The following SMARCA5 variants were observed in gnomAD, a reference collection of about 807,000 sequenced individuals.
The protein encoded by SMARCA5 is SWI/SNF-related matrix-associated actin-dependent regulator of chromatin subfamily A member 5.
In SMARCA5, 18 loss-of-function variants were observed where a neutral mutation model predicts 140.4. The ratio of observed to expected loss-of-function variants is 0.13; its 90% CI spans 0.09 to 0.19. The LOEUF is 0.19. SMARCA5 is among the 10% of genes least tolerant of loss of function. The pLI is 1.00. For synonymous variants in SMARCA5, 449 were observed against 419.6 expected, an observed-to-expected ratio of 1.07 and a Z score of -0.86; for missense variants, 606 against 1,276.8, an observed-to-expected ratio of 0.47 and a Z score of 8.01.
Position 143,553,430 on chromosome 4 carries a change from G to GT in SMARCA5, c.*246_*247insT. The GT allele has an allele frequency of 2.8e-6, 1 of 360,456 alleles. No homozygotes were observed. The highest frequency in any genetic ancestry group is 5.0e-6 in the Non-Finnish European group (1 of 198,964). The allele number at this position is 360,456 out of a possible 1,614,324, so 22.3% of individuals were successfully genotyped here. A position where few individuals can be genotyped will look rare whatever the true frequency, so the allele number is the denominator to read the frequency against. The stretch of plus-strand genomic sequence containing the variant: ...TCATTTATTACTAAGTGTTTCATTT[G>GT]ATTTATTTTTCTATTGTAGTTCCAT... On this transcript the variant is annotated 3_prime_UTR_variant, in exon 24 of 24. Transcript: ENST00000283131.
At chr4:143,530,778 T>TG (rs939484431) in intron 9 of SMARCA5, among the ~76,000 whole-genome samples, 17 of 151,976 alleles carry the variant, frequency 1.1e-4, no homozygotes, top group African/African-American at 2.4e-4. Flanking sequence ...CAAAATACAG[T>TG]GGGGGGAAGA....
chr4:143,527,746 G>A (rs1254281548), intron 6 of SMARCA5, 122 bp from the exon 7 acceptor site: 3 of 739,090 alleles, frequency 4.1e-6, no homozygotes, highest in South Asian at 1.9e-5. Context: ...GCATAATATA[G>A]CTAGCTACTC....
intron 17 of SMARCA5, among the ~76,000 whole-genome samples, 176 bp downstream of exon 17, chr4:143,545,023 A>G (rs1578804122): frequency 6.7e-6 from 1 of 148,404 alleles, no homozygotes; most frequent in South Asian, 2.1e-4. Flanking sequence ...GCTCACTGCA[A>G]CCTCCGCCTC....
intron 6 of SMARCA5, among the ~76,000 whole-genome samples, chr4:143,527,043 C>T (rs2149818822): frequency 1.3e-5 from 2 of 152,116 alleles, no homozygotes; most frequent in South Asian, 4.1e-4. Context: ...ATTTAAGGAG[C>T]CACATTTTTA....
At position 143,514,038 on chromosome 4, in the gene SMARCA5, A is replaced by C; in HGVS notation, c.114A>C (p.Glu38Asp). Residue 38 changes from glutamate (E) to aspartate (D), a missense_variant, in exon 1 of 24, where the codon GAA becomes GAC. This residue lies in a region of SMARCA5 where 164 missense variants were observed against 128.4 expected (regional missense o/e 1.28). Coordinates refer to ENST00000283131, the MANE Select transcript of SMARCA5 (RefSeq NM_003601.4). Reference protein sequence around the residue: ...GSNSSNKGGPEGVAAQAVASA... With the variant: ...GSNSSNKGGPDGVAAQAVASA... ...ACAGCAGCAACAAAGGCGGCCCCGA[A>C]GGCGTCGCGGCGCAGGCGGTTGCGT... 1 of 1,557,202 alleles carries C rather than the reference A, an allele frequency of 6.4e-7. No individual in the cohort carries two copies. The highest frequency in any genetic ancestry group is 8.6e-7 in the Non-Finnish European group (1 of 1,159,670).
rs1560824313 is a variant in SMARCA5, at chr4:143,553,895, A to AT, written c.*716dup. 1.3e-5 allele frequency: 2 copies of AT among 151,280 alleles called. No individual in the cohort carries two copies. Among genetic ancestry groups the AT allele is most frequent in the Non-Finnish European group, 2.9e-5 (2 of 67,802 alleles). The allele number at this position is 151,280 out of a possible 1,614,324, so 9.4% of individuals were successfully genotyped here. On this transcript the variant is annotated 3_prime_UTR_variant, in exon 24 of 24. Transcript: ENST00000283131. ...TTGTAAAAGGAATATTATTATTATT[A>AT]TTTTTAATTATTTGGTAAATATTTT...
chr4:143,538,510 T>C, intron 11 of SMARCA5, 80 bp from the exon 12 acceptor site: 1 of 1,112,670 alleles, frequency 9.0e-7, no homozygotes, highest in Non-Finnish European at 1.3e-6. Context: ...TAAGGATAAT[T>C]GATTAGTCTT....
intron 22 of SMARCA5, among the ~76,000 whole-genome samples, chr4:143,549,202 G>A (rs994563887): frequency 6.6e-6 from 1 of 151,952 alleles, no homozygotes; most frequent in Non-Finnish European, 1.5e-5. Context: ...ATGTTAAGAT[G>A]CACAAAAAAT....
At chr4:143,535,614 CT>C (rs1737286671) in intron 10 of SMARCA5, among the ~76,000 whole-genome samples, 1 of 152,092 alleles carries the variant, frequency 6.6e-6, no homozygotes, top group Non-Finnish European at 1.5e-5. Flanking sequence ...TTAGGCTTAC[CT>C]TGGATGGCTC....
At chr4:143,543,374 G>A in intron 14 of SMARCA5, 135 bp from the exon 15 acceptor site, 1 of 735,962 alleles carries the variant, frequency 1.4e-6, no homozygotes, top group South Asian at 2.2e-5. Context: ...ATTATTAGAT[G>A]TGAATAAACA....
chr4:143,517,491 A>G (rs1277478821), intron 2 of SMARCA5, 62 bp downstream of exon 2: 1 of 960,812 alleles, frequency 1.0e-6, no homozygotes, highest in African/African-American at 1.7e-5. Context: ...GATTAAATGT[A>G]CTAAACATCT....
rs566368214 is a variant in SMARCA5 at position 143,533,745 on chromosome 4, G to A, written c.1159-1110G>A. On this transcript the variant is annotated intron_variant, in intron 9 of 23. Coordinates refer to ENST00000283131, the MANE Select transcript of SMARCA5 (RefSeq NM_003601.4). ...GATGGTCTCGATTTCCTGACCTTGT[G>A]ATCTGCCTGCCTCGGCCTCCCGACC... 3.3e-5 allele frequency among the ~76,000 whole-genome samples: 5 copies of A among 152,206 alleles called. No homozygotes were observed. The South Asian group carries it at 1.0e-3, about 32-fold the overall frequency.
At chr4:143,532,644 A>G (rs963041719) in intron 9 of SMARCA5, among the ~76,000 whole-genome samples, 1 of 152,140 alleles carries the variant, frequency 6.6e-6, no homozygotes, top group Non-Finnish European at 1.5e-5. Context: ...TTGATGTATT[A>G]GTTATCTAAT....
chr4:143,526,106 G>A (rs1438678810), intron 5 of SMARCA5, among the ~76,000 whole-genome samples, 175 bp from the exon 6 acceptor site: 2 of 152,174 alleles, frequency 1.3e-5, no homozygotes, highest in African/African-American at 2.4e-5. Context: ...TTAGAGACTT[G>A]TGAAAATTAT....
rs1282670532 is a variant in SMARCA5, at chr4:143,556,141, T to C, written c.*2957T>C. On this transcript the variant is annotated 3_prime_UTR_variant, in exon 24 of 24. Transcript: ENST00000283131. ...ATTAGGGATGCTGAACTGATAAGTA[T>C]AATGCAAGTATTCTAAAGTCTGGAA... is the stretch of plus-strand genomic sequence containing the variant. 1.3e-5 allele frequency: 2 copies of C among 152,216 alleles called. No individual in the cohort carries two copies. The highest frequency in any genetic ancestry group is 4.8e-5 in the African/African-American group (2 of 41,464). 9.4% of individuals were successfully genotyped at this position (152,216 alleles called of 1,614,324 possible). A position where few individuals can be genotyped will look rare whatever the true frequency, so the allele number is the denominator to read the frequency against.
chr4:143,555,381 GGCTGCCACCAAA>G lies in SMARCA5; in HGVS notation c.*2200_*2211del. 1 of 690,176 alleles carries G rather than the reference GGCTGCCACCAAA, an allele frequency of 1.4e-6. No homozygotes were observed. Among genetic ancestry groups the G allele is most frequent in the Admixed American group, 1.8e-5 (1 of 55,002 alleles). The allele number at this position is 690,176 out of a possible 1,614,324, so 42.8% of individuals were successfully genotyped here. On this transcript the variant is annotated 3_prime_UTR_variant, in exon 24 of 24. Transcript: ENST00000283131. ...CCACCATATCCATCACCACCACCAT[GGCTGCCACCAAA>G]GCCACCACGATCACAGAACTTGATG...
At chr4:143,535,907 C>T (rs1230390267) in intron 10 of SMARCA5, among the ~76,000 whole-genome samples, 1 of 152,152 alleles carries the variant, frequency 6.6e-6, no homozygotes, top group African/African-American at 2.4e-5. Context: ...AGTCCTGCCT[C>T]ACAGACATAC....
intron 5 of SMARCA5, 75 bp downstream of exon 5, chr4:143,525,626 C>T: frequency 2.0e-6 from 2 of 996,678 alleles, no homozygotes; most frequent in South Asian, 2.6e-5. Context: ...AAGTTTCTTA[C>T]AGTCTACAAC....
Position 143,556,717 on chromosome 4 carries a change from G to C in SMARCA5, c.*3533G>C, listed in dbSNP as rs999467639. 6.6e-6 allele frequency: 1 copy of C among 152,210 alleles called. No homozygotes were observed. The highest frequency in any genetic ancestry group is 2.4e-5 in the African/African-American group (1 of 41,452). 9.4% of individuals were successfully genotyped at this position (152,210 alleles called of 1,614,324 possible). ...AGGTGAGGGCATCCCTCAGATGACA[G>C]ATAATGGGCAAAATACATTCTTGGT... On this transcript the variant is annotated 3_prime_UTR_variant, in exon 24 of 24. Transcript: ENST00000283131.
Sources: allele counts gnomAD v4.1 joint callset (sites outside exome capture counted in the v4.1 genomes callset), GRCh38; gene constraint gnomAD v4.1.1; regional missense constraint gnomAD v4.1.1; transcripts MANE v1.5; gene names NCBI Gene and HGNC (gene_info 2026-07-23, HGNC 2026-07-21).